IQSEC1: variants seen among roughly 807,000 people sequenced by gnomAD.
The protein encoded by IQSEC1 is IQ motif and Sec7 domain ArfGEF 1, also known as IQ motif and SEC7 domain-containing protein 1.
In IQSEC1, 31 loss-of-function variants were observed where a neutral mutation model predicts 91.0. The observed-to-expected ratio is 0.34, with a 90% CI of 0.26 to 0.46. The LOEUF is 0.46. Among genes scored for constraint, IQSEC1 ranks in the 20% least tolerant of loss-of-function variants. IQSEC1 has a pLI of 1.00. For synonymous variants in IQSEC1, 699 were observed against 662.6 expected (o/e 1.05, Z -0.84); for missense variants, 1,388 against 1,575.6 (o/e 0.88, Z 2.02).
intron 1 of IQSEC1, among the ~76,000 whole-genome samples, chr3:13,068,089 G>T (rs1705295409): frequency 6.6e-6 from 1 of 152,254 alleles, no homozygotes; most frequent in Non-Finnish European, 1.5e-5. Flanking sequence ...TGTGCTTGGG[G>T]CACTTGGGAA....
At chr3:13,274,000 G>A (rs1349473778) in intron 1 of IQSEC1, among the ~76,000 whole-genome samples, 1 of 152,218 alleles carries the variant, frequency 6.6e-6, no homozygotes. Context: ...CCCCATAGCA[G>A]AGATGAAAAA....
intron 1 of IQSEC1, among the ~76,000 whole-genome samples, chr3:13,044,541 T>C (rs575995865): frequency 4.7e-4 from 71 of 152,320 alleles, no homozygotes; most frequent in African/African-American, 1.7e-3. Context: ...GTCATCGGAA[T>C]GGACCCAGGC....
chr3:13,183,120 C>T (rs1357784446), intron 1 of IQSEC1, among the ~76,000 whole-genome samples: 2 of 150,884 alleles, frequency 1.3e-5, no homozygotes, highest in Admixed American at 1.3e-4. Flanking sequence ...GCTGAGATCA[C>T]ACCACCACAC....
chr3:13,037,667 A>T (rs1419926149), intron 1 of IQSEC1, among the ~76,000 whole-genome samples: 1 of 152,226 alleles, frequency 6.6e-6, no homozygotes, highest in Non-Finnish European at 1.5e-5. Context: ...CTTATAGTGG[A>T]GTATGATTCA....
chr3:12,905,631 G>A (rs1439307391), intron 12 of IQSEC1, among the ~76,000 whole-genome samples: 1 of 152,242 alleles, frequency 6.6e-6, no homozygotes, highest in Admixed American at 6.5e-5. Flanking sequence ...ATGGTGGGGA[G>A]GGATGTGGCC....
At position 12,900,405 on chromosome 3, in the gene IQSEC1, T is replaced by C. The variant is rs1457916238; in HGVS notation, c.*578A>G. 6.1e-6 allele frequency: 6 copies of C among 984,350 alleles called. No homozygotes were observed. In the African/African-American group the frequency reaches 7.0e-5, roughly 11 times the overall value. The allele number at this position is 984,350 out of a possible 1,614,324, so 61.0% of individuals were successfully genotyped here. A position where few individuals can be genotyped will look rare whatever the true frequency, so the allele number is the denominator to read the frequency against. On this transcript the variant is annotated 3_prime_UTR_variant, in exon 14 of 14. Coordinates refer to ENST00000613206, the MANE Select transcript of IQSEC1 (RefSeq NM_001134382.3). ...CTCCTTGTAAGGTGGGTATTGCTAA[T>C]GTGGACTGAAACGCCTGCCTTTCAC...
At chr3:13,171,853 C>G (rs1227659416) in intron 1 of IQSEC1, among the ~76,000 whole-genome samples, 2 of 152,212 alleles carry the variant, frequency 1.3e-5, no homozygotes, top group Non-Finnish European at 2.9e-5. Context: ...GTGTGAGAGG[C>G]TCCCCGACTG....
chr3:12,904,564 T>A lies in IQSEC1; in HGVS notation c.2756-1742A>T, dbSNP rs1029332967. Among the ~76,000 whole-genome samples, 4 of 152,062 alleles carry A rather than the reference T, an allele frequency of 2.6e-5. No homozygotes were observed. In the East Asian group the frequency reaches 7.7e-4, roughly 29 times the overall value. ...TCCAGGGACATGGAGCAAAGTAGAG[T>A]CCAGCCTCCCAGGACATGGCCTCCC... is the stretch of plus-strand genomic sequence containing the variant. On this transcript the variant is annotated intron_variant, in intron 12 of 13. Transcript: ENST00000613206.
rs1386938266 is a variant in IQSEC1 at position 13,044,656 on chromosome 3, C to T, written c.23+28336G>A. 2.6e-5 allele frequency among the ~76,000 whole-genome samples: 4 copies of T among 152,344 alleles called. No individual in the cohort carries two copies. In the East Asian group the frequency reaches 5.8e-4, roughly 22 times the overall value. ...TTTGGCAAGGTAGCACAGGCGGGGCCAGCAGCCCTGAAGTGCTGCCCACTC... is the reference window on the plus strand; with the variant it reads ...TTTGGCAAGGTAGCACAGGCGGGGCTAGCAGCCCTGAAGTGCTGCCCACTC... On this transcript the variant is annotated intron_variant, in intron 1 of 13. Transcript: ENST00000613206.
chr3:13,204,397 G>A (rs774951450), intron 1 of IQSEC1, among the ~76,000 whole-genome samples: 12 of 152,274 alleles, frequency 7.9e-5, no homozygotes, highest in Non-Finnish European at 1.3e-4. Flanking sequence ...GCCCCACATC[G>A]GCCGAGGTTC....
chr3:13,185,269 C>T (rs770426002), intron 1 of IQSEC1, among the ~76,000 whole-genome samples: 22 of 152,140 alleles, frequency 1.4e-4, no homozygotes, highest in Non-Finnish European at 2.4e-4. Flanking sequence ...TTTAGAAGGC[C>T]AGCACCCACT....
intron 1 of IQSEC1, among the ~76,000 whole-genome samples, chr3:13,225,641 T>C (rs922680527): frequency 1.3e-4 from 20 of 152,136 alleles, no homozygotes; most frequent in Admixed American, 1.2e-3. Context: ...AATAGATCCC[T>C]GCCATGAAGA....
At chr3:13,174,047 T>A (rs1411919399) in intron 1 of IQSEC1, among the ~76,000 whole-genome samples, 1 of 152,128 alleles carries the variant, frequency 6.6e-6, no homozygotes, top group African/African-American at 2.4e-5. Context: ...CATCCTGCTG[T>A]ACAGAGTCTA....
At chr3:12,987,461 C>T (rs554400163) in intron 1 of IQSEC1, among the ~76,000 whole-genome samples, 6 of 152,194 alleles carry the variant, frequency 3.9e-5, no homozygotes, top group African/African-American at 1.2e-4. Flanking sequence ...AGAGAGAGAC[C>T]GTAGATGAAA....
chr3:12,974,109 AG>A, intron 1 of IQSEC1, among the ~76,000 whole-genome samples: 1 of 152,346 alleles, frequency 6.6e-6, no homozygotes, highest in South Asian at 2.1e-4. Flanking sequence ...CACTGCAGCT[AG>A]GCCACAGTGT....
chr3:12,912,049 A>C (rs760868260), intron 9 of IQSEC1, among the ~76,000 whole-genome samples: 1 of 152,192 alleles, frequency 6.6e-6, no homozygotes, highest in Non-Finnish European at 1.5e-5. Flanking sequence ...GAGGGGCAGG[A>C]ATGGACAGGT....
At chr3:13,026,666 C>T (rs1703624596) in intron 1 of IQSEC1, among the ~76,000 whole-genome samples, 1 of 152,166 alleles carries the variant, frequency 6.6e-6, no homozygotes, top group African/African-American at 2.4e-5. Flanking sequence ...TTCCCTTCTC[C>T]AGGAGTCCAT....
In IQSEC1 at chr3:13,012,964, C is replaced by CTTTTTTTTTTTTT. The variant is rs35541458; in HGVS notation, c.23+60015_23+60027dup. 3.8e-3 allele frequency among the ~76,000 whole-genome samples: 366 copies of CTTTTTTTTTTTTT among 97,466 alleles called. 56 individuals carry two copies. Among genetic ancestry groups the CTTTTTTTTTTTTT allele is most frequent in the African/African-American group, 8.3e-3 (176 of 21,264 alleles). The allele number at this position is 97,466 out of a possible 152,430, so 63.9% of individuals were successfully genotyped here. ...ACAGAAACTCCCATGAAAGTCTGGG[C>CTTTTTTTTTTTTT]TTTTTTTTTTTTTTTTGAGACAGTC... On this transcript the variant is annotated intron_variant, in intron 1 of 13. Transcript: ENST00000613206.
At chr3:13,175,189 A>G (rs1336747985) in intron 1 of IQSEC1, among the ~76,000 whole-genome samples, 48 of 152,194 alleles carry the variant, frequency 3.2e-4, no homozygotes, top group Admixed American at 3.1e-3. Context: ...ATGGCAAGGT[A>G]CCAGCTGTGT....
Sources: allele counts gnomAD v4.1 joint callset (sites outside exome capture counted in the v4.1 genomes callset), GRCh38; gene constraint gnomAD v4.1.1; transcripts MANE v1.5; gene names NCBI Gene and HGNC (gene_info 2026-07-23, HGNC 2026-07-21).